The following SMYD3 variants were observed in gnomAD, a reference collection of about 807,000 sequenced individuals.
The protein encoded by SMYD3 is histone-lysine N-methyltransferase SMYD3.
A neutral mutation model predicts 57.7 loss-of-function variants in SMYD3; 36 were observed. The ratio of observed to expected loss-of-function variants is 0.62; its 90% CI spans 0.48 to 0.82. The LOEUF is 0.82. Ranked by LOEUF, SMYD3 falls within the 40% of genes least tolerant of loss-of-function variation. SMYD3 has a pLI of 0.00. For missense variants in SMYD3, 515 were observed against 538.8 expected (o/e 0.96, Z 0.44); for synonymous variants, 211 against 195.0 (o/e 1.08, Z -0.68).
At chr1:245,999,321 T>A (rs977754244) in intron 5 of SMYD3, among the ~76,000 whole-genome samples, 1 of 152,192 alleles carries the variant, frequency 6.6e-6, no homozygotes, top group South Asian at 2.1e-4. Context: ...TAACTGCATG[T>A]AGATAGTATT....
At chr1:246,131,130 T>G (rs2061580734) in intron 5 of SMYD3, among the ~76,000 whole-genome samples, 1 of 152,206 alleles carries the variant, frequency 6.6e-6, no homozygotes, top group African/African-American at 2.4e-5. Flanking sequence ...TGAAGACATT[T>G]CCAGTTCTCA....
intron 5 of SMYD3, among the ~76,000 whole-genome samples, chr1:246,295,854 C>G (rs2064783561): frequency 6.6e-6 from 1 of 152,044 alleles, no homozygotes; most frequent in African/African-American, 2.4e-5. Context: ...AGGCATGGGA[C>G]AAGAAAGTCA....
intron 1 of SMYD3, among the ~76,000 whole-genome samples, chr1:246,365,050 A>G (rs1451840432): frequency 1.3e-5 from 2 of 152,246 alleles, no homozygotes; most frequent in Non-Finnish European, 2.9e-5. Flanking sequence ...GCCAATACAC[A>G]GTGACAAAAG....
At chr1:246,465,211 C>T (rs2067863354) in intron 1 of SMYD3, among the ~76,000 whole-genome samples, 1 of 152,220 alleles carries the variant, frequency 6.6e-6, no homozygotes, top group Non-Finnish European at 1.5e-5. Flanking sequence ...AATGCCTAAA[C>T]ACCAACTGAT....
intron 5 of SMYD3, among the ~76,000 whole-genome samples, chr1:246,078,287 G>A (rs2060580393): frequency 6.6e-6 from 1 of 152,076 alleles, no homozygotes; most frequent in Non-Finnish European, 1.5e-5. Flanking sequence ...GAGACACGAA[G>A]CCAACATGGA....
At chr1:246,096,987 T>A (rs1238331024) in intron 5 of SMYD3, among the ~76,000 whole-genome samples, 2 of 152,238 alleles carry the variant, frequency 1.3e-5, no homozygotes, top group African/African-American at 4.8e-5. Flanking sequence ...CAGTAATCTA[T>A]AATCCAGTAA....
chr1:245,893,038 A>C (rs1445976307), intron 8 of SMYD3, among the ~76,000 whole-genome samples: 1 of 152,234 alleles, frequency 6.6e-6, no homozygotes, highest in Non-Finnish European at 1.5e-5. Flanking sequence ...GAAAACACCC[A>C]ATTTTTAAAA....
intron 1 of SMYD3, among the ~76,000 whole-genome samples, chr1:246,369,964 C>T (rs1362185845): frequency 3.9e-5 from 6 of 152,166 alleles, no homozygotes; most frequent in Admixed American, 1.3e-4. Flanking sequence ...TGGCACCATA[C>T]CTTCCTAGGA....
In SMYD3 at chr1:245,965,672, T is replaced by C. The variant is rs143425741; in HGVS notation, c.532-35735A>G. On this transcript the variant is annotated intron_variant, in intron 5 of 11. Transcript: ENST00000490107. ...GTATGATTTCAACTGTATGACATTA[T>C]GGAAAAGGCGAAAGTATGAAGATAG... Among the ~76,000 whole-genome samples the C allele has an allele frequency of 1.7e-3, 259 of 152,228 alleles. 1 individual carries two copies. The highest frequency in any genetic ancestry group is 6.8e-3 in the Middle Eastern group (2 of 294).
chr1:246,481,627 CATACAT>C lies in SMYD3; in HGVS notation c.164+25421_164+25426del, dbSNP rs1558484551. ...ATATATACACATACATATATACATACATACATACACATATTCATATATGATCATATA... is the reference window on the plus strand; with the variant it reads ...ATATATACACATACATATATACATACACACATATTCATATATGATCATATA... On this transcript the variant is annotated intron_variant, in intron 1 of 11. Transcript: ENST00000490107. 1.2e-4 allele frequency among the ~76,000 whole-genome samples: 3 copies of C among 25,870 alleles called. 1 individual carries two copies. Among genetic ancestry groups the C allele is most frequent in the African/African-American group, 3.9e-4 (3 of 7,704 alleles). 17.0% of individuals were successfully genotyped at this position (25,870 alleles called of 152,430 possible).
rs190735986 is a variant in SMYD3, at chr1:246,050,038, C to T, written c.532-120101G>A. Among the ~76,000 whole-genome samples, 65 of 152,254 alleles carry T rather than the reference C, an allele frequency of 4.3e-4. No homozygotes were observed. The East Asian group carries it at 0.012, about 28-fold the overall frequency. The stretch of plus-strand genomic sequence containing the variant: ...TATTAGTCTGAAAGCAACTAGTGAA[C>T]GCATTAATATAACCAACAAACAACC... On this transcript the variant is annotated intron_variant, in intron 5 of 11. Coordinates refer to ENST00000490107, the MANE Select transcript of SMYD3 (RefSeq NM_001167740.2).
At chr1:245,842,754 G>T (rs2050468370) in intron 10 of SMYD3, among the ~76,000 whole-genome samples, 1 of 152,026 alleles carries the variant, frequency 6.6e-6, no homozygotes, top group Non-Finnish European at 1.5e-5. Flanking sequence ...TGTTGCCCAG[G>T]CTGGAGTGCA....
intron 10 of SMYD3, among the ~76,000 whole-genome samples, chr1:245,785,674 TGAGAAAGCGAGC>T (rs1222348324): frequency 1.4e-5 from 2 of 148,068 alleles, no homozygotes; most frequent in Non-Finnish European, 3.0e-5. Context: ...CGTGAGAGAG[TGAGAAAGCGAGC>T]AAGAGAGAGA....
chr1:246,043,906 C>G (rs958125028), intron 5 of SMYD3, among the ~76,000 whole-genome samples: 1 of 152,102 alleles, frequency 6.6e-6, no homozygotes, highest in Non-Finnish European at 1.5e-5. Flanking sequence ...CTCGCACCAA[C>G]AGTTTCGGGG....
intron 5 of SMYD3, among the ~76,000 whole-genome samples, chr1:246,067,682 G>A (rs2060366291): frequency 6.6e-6 from 1 of 152,122 alleles, no homozygotes; most frequent in Admixed American, 6.5e-5. Context: ...CTCGCTCCTG[G>A]ACGTGAATCT....
At chr1:245,861,347 A>C (rs948470435) in intron 9 of SMYD3, among the ~76,000 whole-genome samples, 1 of 152,156 alleles carries the variant, frequency 6.6e-6, no homozygotes, top group Non-Finnish European at 1.5e-5. Context: ...GACAGAACGG[A>C]TATCTTTTTT....
intron 8 of SMYD3, among the ~76,000 whole-genome samples, chr1:245,874,268 G>A (rs1452734944): frequency 1.3e-5 from 2 of 152,148 alleles, no homozygotes; most frequent in Admixed American, 1.3e-4. Context: ...TCTAACATTT[G>A]TATGTATAAT....
At chr1:246,200,434 G>A (rs1199743716) in intron 5 of SMYD3, among the ~76,000 whole-genome samples, 1 of 152,014 alleles carries the variant, frequency 6.6e-6, no homozygotes, top group Admixed American at 6.6e-5. Context: ...CTGTGATAGA[G>A]AAGATGGAGA....
chr1:245,950,542 T>G (rs1399679596), intron 5 of SMYD3, among the ~76,000 whole-genome samples: 1 of 152,242 alleles, frequency 6.6e-6, no homozygotes, highest in African/African-American at 2.4e-5. Context: ...TGGCTCGCTC[T>G]GGCCTTCTTG....
Sources: allele counts gnomAD v4.1 joint callset (sites outside exome capture counted in the v4.1 genomes callset), GRCh38; gene constraint gnomAD v4.1.1; transcripts MANE v1.5; gene names NCBI Gene and HGNC (gene_info 2026-07-23, HGNC 2026-07-21).